The following OXSR1 variants were observed in gnomAD, a reference collection of about 807,000 sequenced individuals.
OXSR1 encodes serine/threonine-protein kinase OSR1.
Under a neutral mutation model 79.8 loss-of-function variants are expected in OXSR1, and 24 were observed. The ratio of observed to expected loss-of-function variants is 0.30; its 90% confidence interval spans 0.22 to 0.42. The LOEUF is 0.42. Ranked by LOEUF, OXSR1 falls within the 10% of genes least tolerant of loss-of-function variation. The pLI, the probability that OXSR1 is intolerant of heterozygous loss-of-function variation, is 1.00. For synonymous variants in OXSR1, 226 were observed against 209.2 expected, an observed-to-expected ratio of 1.08 and a Z score of -0.69; for missense variants, 430 against 618.4, an observed-to-expected ratio of 0.70 and a Z score of 3.23.
intron 5 of OXSR1, among the ~76,000 whole-genome samples, chr3:38,217,133 A>G (rs1702496733): frequency 6.6e-6 from 1 of 152,244 alleles, no homozygotes; most frequent in African/African-American, 2.4e-5. Flanking sequence ...GCACTTCCCA[A>G]ATGAAGACAT....
At chr3:38,188,978 A>G (rs1237066718) in intron 2 of OXSR1, among the ~76,000 whole-genome samples, 1 of 152,202 alleles carries the variant, frequency 6.6e-6, no homozygotes, top group Non-Finnish European at 1.5e-5. Context: ...CCTGGCACGT[A>G]GTAGGGATTA....
At chr3:38,244,637 C>CTGTGTGTGTGTGTGTGTGTG (rs112035003) in intron 12 of OXSR1, among the ~76,000 whole-genome samples, 316 of 99,490 alleles carry the variant, frequency 3.2e-3, no homozygotes, top group African/African-American at 8.8e-3. Context: ...TAATATTCCT[C>CTGTGTGTGTGTGTGTGTGTG]TGTGTGTGTG....
intron 1 of OXSR1, among the ~76,000 whole-genome samples, chr3:38,181,598 C>T (rs949039554): frequency 3.3e-5 from 5 of 152,020 alleles, no homozygotes; most frequent in African/African-American, 7.2e-5. Flanking sequence ...CCTCGTGATC[C>T]GCCTGCCTCC....
At chr3:38,206,855 C>T (rs1453705252) in intron 4 of OXSR1, among the ~76,000 whole-genome samples, 4 of 152,228 alleles carry the variant, frequency 2.6e-5, no homozygotes, top group Non-Finnish European at 5.9e-5. Context: ...CAGATCCCAG[C>T]TCTGTCACTA....
At chr3:38,219,995 T>C (rs748748018) in intron 5 of OXSR1, among the ~76,000 whole-genome samples, 2 of 152,062 alleles carry the variant, frequency 1.3e-5, no homozygotes, top group Admixed American at 1.3e-4. Flanking sequence ...TTTGTACAGA[T>C]GGGGTCTCAC....
At chr3:38,222,698 A>G (rs932295399) in intron 6 of OXSR1, among the ~76,000 whole-genome samples, 1 of 152,322 alleles carries the variant, frequency 6.6e-6, no homozygotes, top group Non-Finnish European at 1.5e-5. Flanking sequence ...ATTTGGCAAC[A>G]TATTCACTCT....
intron 8 of OXSR1, among the ~76,000 whole-genome samples, chr3:38,225,780 TTTCAGTGGGTCACTATTCA>T (rs1702677494): frequency 6.6e-6 from 1 of 152,170 alleles, no homozygotes; most frequent in Admixed American, 6.5e-5. Context: ...CCATGGCTGT[TTTCAGTGGGTCACTATTCA>T]TTCTGGTAAC....
intron 1 of OXSR1, among the ~76,000 whole-genome samples, chr3:38,170,909 C>T (rs2125799827): frequency 6.6e-6 from 1 of 152,264 alleles, no homozygotes; most frequent in East Asian, 1.9e-4. Context: ...TCCCCAGTAG[C>T]TGGACTACAG....
chr3:38,248,460 A>G (rs1364568519), intron 14 of OXSR1, among the ~76,000 whole-genome samples: 1 of 152,060 alleles, frequency 6.6e-6, no homozygotes, highest in African/African-American at 2.4e-5. Flanking sequence ...TTTGAAAAAA[A>G]ATTAGTATTA....
chr3:38,240,492 A>G (rs1163813959), intron 11 of OXSR1, among the ~76,000 whole-genome samples: 1 of 152,122 alleles, frequency 6.6e-6, no homozygotes. Flanking sequence ...GTACTTGCAT[A>G]TATTTCTCAG....
In OXSR1 at chr3:38,198,707, GTCT is replaced by G; in HGVS notation, c.293-11_293-9del. ...GATTTAGAGATTTTTAGAAAATTAT[GTCT>G]TCTGTTTTCAGGTTCTGTTCTGGAT... On this transcript the variant is annotated splice_polypyrimidine_tract_variant and intron_variant, in intron 3 of 17. Transcript: ENST00000311806. 6.3e-7 allele frequency: 1 copy of G among 1,596,768 alleles called. No homozygotes were observed. The highest frequency in any genetic ancestry group is 8.6e-7 in the Non-Finnish European group (1 of 1,169,282).
chr3:38,188,445 G>A (rs966411954), intron 2 of OXSR1, among the ~76,000 whole-genome samples: 2 of 152,056 alleles, frequency 1.3e-5, no homozygotes, highest in Admixed American at 6.6e-5. Context: ...CCCAACTTGC[G>A]CTAATATTAA....
At chr3:38,197,750 G>C (rs1702093963) in intron 3 of OXSR1, among the ~76,000 whole-genome samples, 1 of 152,170 alleles carries the variant, frequency 6.6e-6, no homozygotes, top group Non-Finnish European at 1.5e-5. Flanking sequence ...GTATTTGGAA[G>C]TATATTTTTT....
intron 4 of OXSR1, among the ~76,000 whole-genome samples, chr3:38,206,326 G>A (rs1440778842): frequency 6.6e-6 from 1 of 152,110 alleles, no homozygotes; most frequent in East Asian, 1.9e-4. Context: ...ATTATGTCAA[G>A]GTAATGCTTT....
At chr3:38,226,644 G>A (rs1284688150) in intron 8 of OXSR1, among the ~76,000 whole-genome samples, 7 of 151,932 alleles carry the variant, frequency 4.6e-5, no homozygotes, top group Non-Finnish European at 1.5e-5. Context: ...AACCTGTGAG[G>A]TATTCTTCCT....
At chr3:38,221,209 G>C (rs1031327583) in intron 5 of OXSR1, among the ~76,000 whole-genome samples, 1 of 152,056 alleles carries the variant, frequency 6.6e-6, no homozygotes, top group Non-Finnish European at 1.5e-5. Flanking sequence ...TTAGAGCAAG[G>C]GGGAAAATCT....
At chr3:38,195,783 T>TAATA (rs1702063357) in intron 3 of OXSR1, among the ~76,000 whole-genome samples, 1 of 152,226 alleles carries the variant, frequency 6.6e-6, no homozygotes, top group Admixed American at 6.5e-5. Context: ...ATTGTACAAT[T>TAATA]AAAGTTTTGC....
chr3:38,250,176 G>A (rs535315744), intron 15 of OXSR1, 158 bp downstream of exon 15: 7 of 596,680 alleles, frequency 1.2e-5, no homozygotes, highest in African/African-American at 7.5e-5. Context: ...AATGCAGTTC[G>A]TTGACTACTA....
chr3:38,209,522 C>T (rs1702341753), intron 4 of OXSR1, among the ~76,000 whole-genome samples: 1 of 152,170 alleles, frequency 6.6e-6, no homozygotes, highest in South Asian at 2.1e-4. Flanking sequence ...CCTCGGCCTT[C>T]CAAAGTGCTG....
Sources: allele counts gnomAD v4.1 joint callset (sites outside exome capture counted in the v4.1 genomes callset), GRCh38; gene constraint gnomAD v4.1.1; transcripts MANE v1.5; gene names NCBI Gene and HGNC (gene_info 2026-07-23, HGNC 2026-07-21).